Variants in RELN observed in about 807,000 individuals in gnomAD.
RELN encodes the protein reelin.
In RELN, 108 loss-of-function variants were observed where a neutral mutation model predicts 427.6. The observed-to-expected ratio is 0.25, with a 90% CI of 0.22 to 0.30. The LOEUF (loss-of-function observed/expected upper bound fraction) is 0.30, where lower values mean the gene tolerates loss of function less well. RELN is among the 10% of genes least tolerant of loss of function. The probability of loss-of-function intolerance (pLI) is 1.00; values close to 1 mark genes in which losing one functional copy is unlikely to be tolerated. For missense variants in RELN, 3,715 were observed against 4,302.8 expected, an observed-to-expected ratio of 0.86 and a Z score of 3.82; for synonymous variants, 1,524 against 1,513.4, an observed-to-expected ratio of 1.01 and a Z score of -0.16.
intron 40 of RELN, among the ~76,000 whole-genome samples, chr7:103,552,811 T>C (rs1562887103): frequency 6.6e-6 from 1 of 152,098 alleles, no homozygotes; most frequent in African/African-American, 2.4e-5. Flanking sequence ...ATAATAGAAC[T>C]CTTAAAGGTG....
At chr7:103,882,987 A>C (rs1278630210) in intron 2 of RELN, among the ~76,000 whole-genome samples, 1 of 152,222 alleles carries the variant, frequency 6.6e-6, no homozygotes, top group African/African-American at 2.4e-5. Context: ...CAACATAAAA[A>C]GAAAATTTCA....
chr7:103,591,039 A>C (rs1298875008), intron 27 of RELN, among the ~76,000 whole-genome samples: 1 of 152,232 alleles, frequency 6.6e-6, no homozygotes, highest in Non-Finnish European at 1.5e-5. Context: ...AGTCCAAATG[A>C]ATCAGTTTAG....
At chr7:103,516,827 CTTTT>C (rs879745033) in intron 49 of RELN, among the ~76,000 whole-genome samples, 54 of 148,862 alleles carry the variant, frequency 3.6e-4, no homozygotes, top group Non-Finnish European at 6.3e-4. Flanking sequence ...TTTTTCCTTC[CTTTT>C]TTTTTTCTGT....
chr7:103,667,460 TATAA>T (rs1405556783), intron 11 of RELN, among the ~76,000 whole-genome samples: 1 of 152,208 alleles, frequency 6.6e-6, no homozygotes, highest in Admixed American at 6.5e-5. Flanking sequence ...AAAGCAATTT[TATAA>T]ATAAAAACAA....
chr7:103,509,021 A>G (rs1225071298), intron 51 of RELN, among the ~76,000 whole-genome samples: 1 of 152,232 alleles, frequency 6.6e-6, no homozygotes, highest in Non-Finnish European at 1.5e-5. Flanking sequence ...AAACAAATGG[A>G]AAAACATTCT....
At position 103,573,699 on chromosome 7, in the gene RELN, G is replaced by GT. The variant is rs1215035054; in HGVS notation, c.4511+392dup. 1.3e-5 allele frequency among the ~76,000 whole-genome samples: 2 copies of GT among 152,180 alleles called. No homozygotes were observed. Among genetic ancestry groups the GT allele is most frequent in the Non-Finnish European group, 2.9e-5 (2 of 68,016 alleles). On this transcript the variant is annotated intron_variant, in intron 30 of 64. Coordinates refer to ENST00000428762, the MANE Select transcript of RELN (RefSeq NM_005045.4). This position sits in a 1 kb window ranked among gnomAD's most constrained non-coding sequence, Gnocchi z 4.4. ...AATTTCTGGGGACCATTTTCAATAAGTGAATACAAATCAACTTAGATAAAT... is the reference window on the plus strand; with the variant it reads ...AATTTCTGGGGACCATTTTCAATAAGTTGAATACAAATCAACTTAGATAAAT...
intron 4 of RELN, among the ~76,000 whole-genome samples, chr7:103,773,197 TTCTC>T (rs60728490): frequency 0.42 from 42,228 of 99,792 alleles, 11,740 homozygotes; most frequent in African/African-American, 0.65. Context: ...TTTTCTTTCT[TTCTC>T]TCTCTCTCTC....
intron 9 of RELN, 76 bp downstream of exon 9, chr7:103,700,834 G>A: frequency 1.1e-6 from 1 of 890,042 alleles, no homozygotes; most frequent in Non-Finnish European, 1.9e-6. Context: ...AAAGTTAGTG[G>A]TGGATTGAAG....
chr7:103,753,237 A>C (rs1466070820), intron 4 of RELN, 23 bp from the exon 5 acceptor site: 1 of 1,613,672 alleles, frequency 6.2e-7, no homozygotes, highest in Non-Finnish European at 8.5e-7. Context: ...AGGAAAGAAG[A>C]AAGACAACTG....
At chr7:103,504,469 G>A (rs1173338111) in intron 51 of RELN, 2 of 152,210 alleles carry the variant, frequency 1.3e-5, no homozygotes, top group Non-Finnish European at 2.9e-5. Context: ...CAGCTGGCAA[G>A]ATGGCTGAAT....
intron 59 of RELN, 90 bp from the exon 60 acceptor site, chr7:103,489,989 T>C: frequency 6.7e-7 from 1 of 1,503,004 alleles, no homozygotes; most frequent in Non-Finnish European, 9.1e-7. Flanking sequence ...AGGGGACTAT[T>C]TGTGAGAAAA....
chr7:103,649,318 A>C (rs1832863449), intron 16 of RELN, among the ~76,000 whole-genome samples: 1 of 152,038 alleles, frequency 6.6e-6, no homozygotes, highest in Non-Finnish European at 1.5e-5. Flanking sequence ...CATTATCCTA[A>C]GTGATATTAC....
intron 1 of RELN, among the ~76,000 whole-genome samples, chr7:103,926,579 A>G (rs1795741316): frequency 6.6e-6 from 1 of 150,950 alleles, no homozygotes; most frequent in Non-Finnish European, 1.5e-5. Context: ...AATTGATAGA[A>G]TTCCTAATAC....
At chr7:103,883,054 C>A (rs778233294) in intron 2 of RELN, among the ~76,000 whole-genome samples, 1 of 152,140 alleles carries the variant, frequency 6.6e-6, no homozygotes, top group South Asian at 2.1e-4. Flanking sequence ...ATTGACAAAC[C>A]AAATCCAGCA....
intron 2 of RELN, among the ~76,000 whole-genome samples, chr7:103,838,074 T>C (rs1352368963): frequency 6.6e-6 from 1 of 150,966 alleles, no homozygotes; most frequent in African/African-American, 2.4e-5. Flanking sequence ...CTGGGTGTGG[T>C]GGTGGGCGCC....
chr7:103,619,329 C>A (rs1832162180), intron 20 of RELN, among the ~76,000 whole-genome samples: 1 of 152,064 alleles, frequency 6.6e-6, no homozygotes, highest in Admixed American at 6.6e-5. Flanking sequence ...GGGCTATGTG[C>A]ACTTACAGCA....
chr7:103,595,961 T>C lies in RELN; in HGVS notation c.3539+495A>G, dbSNP rs117395305. On this transcript the variant is annotated intron_variant, in intron 25 of 64. Coordinates refer to ENST00000428762, the MANE Select transcript of RELN (RefSeq NM_005045.4). ...ACATATATTCCCAATACATCAAAAT[T>C]AAGACAGGGATAGGCCAGGGCAAAA... is the stretch of plus-strand genomic sequence containing the variant. Among the ~76,000 whole-genome samples, 118 of 152,252 alleles carry C rather than the reference T, an allele frequency of 7.8e-4. No individual in the cohort carries two copies. The South Asian group carries it at 0.012, about 15-fold the overall frequency.
At chr7:103,516,075 G>A (rs1009702632) in intron 49 of RELN, among the ~76,000 whole-genome samples, 1 of 152,130 alleles carries the variant, frequency 6.6e-6, no homozygotes, top group African/African-American at 2.4e-5. Flanking sequence ...ATCTATCCCT[G>A]TCTCACTCAC....
intron 1 of RELN, among the ~76,000 whole-genome samples, chr7:103,985,945 T>A (rs1257836854): frequency 6.6e-6 from 1 of 152,150 alleles, no homozygotes; most frequent in Non-Finnish European, 1.5e-5. Context: ...TATTTCCCCA[T>A]CATTTGCAAC....
Sources: gnomAD v4.1 joint callset for allele counts (sites outside exome capture counted in the v4.1 genomes callset) on GRCh38, gnomAD v4.1.1 for gene constraint, Gnocchi (gnomAD v3.1) non-coding constraint, MANE v1.5 for transcripts, NCBI Gene and HGNC (gene_info 2026-07-23, HGNC 2026-07-21) for gene names.